CDH6: variants seen among roughly 807,000 people sequenced by gnomAD.
CDH6 encodes cadherin-6.
CDH6 carries 31 observed loss-of-function variants against 78.0 expected under a neutral mutation model. The observed-to-expected ratio is 0.40, with a 90% CI of 0.30 to 0.54. The LOEUF (loss-of-function observed/expected upper bound fraction) is 0.54, where lower values mean the gene tolerates loss of function less well. Ranked by LOEUF, CDH6 falls within the 20% of genes least tolerant of loss-of-function variation. The probability of loss-of-function intolerance (pLI) is 0.56; values close to 1 mark genes in which losing one functional copy is unlikely to be tolerated. For missense variants in CDH6, 724 were observed against 975.9 expected, an observed-to-expected ratio of 0.74 and a Z score of 3.44; for synonymous variants, 376 against 368.8, an observed-to-expected ratio of 1.02 and a Z score of -0.23.
chr5:31,200,879 AT>A (rs1488577541), intron 1 of CDH6, among the ~76,000 whole-genome samples: 1 of 152,218 alleles, frequency 6.6e-6, no homozygotes, highest in Admixed American at 6.5e-5. Flanking sequence ...AAGTTTGATC[AT>A]TAGAAATATA....
intron 1 of CDH6, among the ~76,000 whole-genome samples, chr5:31,265,777 T>TTG (rs1742328837): frequency 7.4e-6 from 1 of 134,378 alleles, no homozygotes; most frequent in African/African-American, 2.9e-5. Context: ...ATGTTTTTTT[T>TTG]TTTTTTTTTT....
chr5:31,304,683 C>CA (rs11398035), intron 6 of CDH6, among the ~76,000 whole-genome samples: 35,726 of 67,662 alleles, frequency 0.53, 9,621 homozygotes, highest in South Asian at 0.63. Flanking sequence ...GACTCCGTCT[C>CA]AAAAAAAAAA....
At chr5:31,207,736 C>T (rs1740571546) in intron 1 of CDH6, among the ~76,000 whole-genome samples, 1 of 152,172 alleles carries the variant, frequency 6.6e-6, no homozygotes, top group African/African-American at 2.4e-5. Flanking sequence ...ATTTATATAC[C>T]TCTCTACATT....
chr5:31,267,286 G>T, intron 1 of CDH6, 60 bp from the exon 2 acceptor site: 2 of 559,392 alleles, frequency 3.6e-6, no homozygotes, highest in South Asian at 2.6e-5. Context: ...CAGCCTATTT[G>T]CTCTAACACT....
intron 1 of CDH6, among the ~76,000 whole-genome samples, chr5:31,205,856 C>T (rs374515935): frequency 2.3e-4 from 35 of 152,194 alleles, no homozygotes; most frequent in South Asian, 1.5e-3. Flanking sequence ...TAAAACCTAA[C>T]GCTTAGCACT....
At chr5:31,308,138 G>C (rs532932846) in intron 7 of CDH6, among the ~76,000 whole-genome samples, 34 of 152,202 alleles carry the variant, frequency 2.2e-4, no homozygotes, top group African/African-American at 7.9e-4. Context: ...CTAAGTGCTA[G>C]ACAATATGGT....
chr5:31,317,310 C>A, intron 9 of CDH6, 65 bp from the exon 10 acceptor site: 1 of 793,362 alleles, frequency 1.3e-6, no homozygotes, highest in Non-Finnish European at 2.1e-6. Context: ...CAATTTATTG[C>A]AAAACGGTAA....
chr5:31,293,988 T>A lies in CDH6; in HGVS notation c.255T>A (p.Asp85Glu). Residue 85 changes from aspartate to glutamate, a missense_variant, in exon 3 of 12, where the codon GAT (aspartate) becomes GAA (glutamate). By Grantham distance (45) the Asp-to-Glu change is conservative. Around this residue, in one of 3 missense-constraint regions of CDH6, gnomAD observed 446 missense variants for 684.5 expected, o/e 0.65. Coordinates refer to ENST00000265071, the MANE Select transcript of CDH6 (RefSeq NM_004932.4). Reference sequence around the variant, plus strand: ...TACATTCAGACCAGGATAGAGGAGATGGATCACTTAAATATATCCTTTCAG... The same window carrying A: ...TACATTCAGACCAGGATAGAGGAGAAGGATCACTTAAATATATCCTTTCAG... ...GKLHSDQDRG[D>E]GSLKYILSGD... is the part of the protein sequence containing the mutation. 6.2e-7 allele frequency: 1 copy of A among 1,610,364 alleles called. No individual in the cohort carries two copies. Among genetic ancestry groups the A allele is most frequent in the Non-Finnish European group, 8.5e-7 (1 of 1,177,838 alleles).
intron 1 of CDH6, among the ~76,000 whole-genome samples, chr5:31,234,503 T>C (rs1338337985): frequency 6.6e-6 from 1 of 152,142 alleles, no homozygotes; most frequent in Non-Finnish European, 1.5e-5. Context: ...AGATGCCATT[T>C]TCCTCATACT....
intron 2 of CDH6, among the ~76,000 whole-genome samples, chr5:31,283,757 G>T (rs1428865976): frequency 2.0e-5 from 3 of 152,034 alleles, no homozygotes; most frequent in African/African-American, 4.8e-5. Context: ...AAGAACAGGA[G>T]ATATGAAGGC....
rs1184522780 is a variant in CDH6, at chr5:31,302,895, GAAAGAAAA to G, written c.999+605_999+612del. 2.3e-4 allele frequency among the ~76,000 whole-genome samples: 21 copies of G among 91,292 alleles called. No homozygotes were observed. In the South Asian group the frequency reaches 3.1e-3, roughly 14 times the overall value. 59.9% of individuals were successfully genotyped at this position (91,292 alleles called of 152,430 possible). A position where few individuals can be genotyped will look rare whatever the true frequency, so the allele number is the denominator to read the frequency against. ...GGAGGGAAGGAAGGAAGGAAAGAAA[GAAAGAAAA>G]AAAGAAAGAAAGAAAGAAAGAAAGA... On this transcript the variant is annotated intron_variant, in intron 6 of 11. Coordinates refer to ENST00000265071, the MANE Select transcript of CDH6 (RefSeq NM_004932.4).
intron 11 of CDH6, chr5:31,319,123 A>AT (rs1425638157): frequency 5.6e-6 from 1 of 178,806 alleles, no homozygotes; most frequent in African/African-American, 2.4e-5. Flanking sequence ...CAAAAGGGTG[A>AT]TTTTTTAGAA....
At chr5:31,201,698 G>C (rs1193551565) in intron 1 of CDH6, among the ~76,000 whole-genome samples, 1 of 152,116 alleles carries the variant, frequency 6.6e-6, no homozygotes, top group Non-Finnish European at 1.5e-5. Flanking sequence ...GGGACCACTG[G>C]TTTAATACAA....
chr5:31,282,811 G>A (rs1742897678), intron 2 of CDH6, among the ~76,000 whole-genome samples: 4 of 152,104 alleles, frequency 2.6e-5, no homozygotes, highest in Admixed American at 2.6e-4. Flanking sequence ...TTTGCTTTTA[G>A]CACTTTGTCA....
rs1485501066 is a variant in CDH6 at position 31,325,517 on chromosome 5, CTCTA to C, written c.*2213_*2216del. On this transcript the variant is annotated 3_prime_UTR_variant, in exon 12 of 12. Coordinates refer to ENST00000265071, the MANE Select transcript of CDH6 (RefSeq NM_004932.4). ...CGATTTACTGTAAAATTAAAGAGGTCTCTATCTGTATGTTTCATGTCACGTAACA... is the reference window on the plus strand; with the variant it reads ...CGATTTACTGTAAAATTAAAGAGGTCTCTGTATGTTTCATGTCACGTAACA... 4.3e-6 allele frequency: 1 copy of C among 230,920 alleles called. No individual in the cohort carries two copies. The highest frequency in any genetic ancestry group is 2.2e-5 in the African/African-American group (1 of 45,240). The allele number at this position is 230,920 out of a possible 1,614,324, so 14.3% of individuals were successfully genotyped here. A position where few individuals can be genotyped will look rare whatever the true frequency, so the allele number is the denominator to read the frequency against.
At chr5:31,257,300 C>G (rs1203780357) in intron 1 of CDH6, among the ~76,000 whole-genome samples, 1 of 152,076 alleles carries the variant, frequency 6.6e-6, no homozygotes, top group East Asian at 1.9e-4. Context: ...GTAGCTGGGA[C>G]TACAGGTGCC....
At chr5:31,313,049 T>C (rs1579910185) in intron 7 of CDH6, among the ~76,000 whole-genome samples, 1 of 152,106 alleles carries the variant, frequency 6.6e-6, no homozygotes, top group Non-Finnish European at 1.5e-5. Context: ...TTTATACATA[T>C]TAGAAAAGAA....
At chr5:31,318,739 A>G (rs1738397248) in intron 11 of CDH6, 1 of 226,618 alleles carries the variant, frequency 4.4e-6, no homozygotes, top group Admixed American at 5.7e-5. Flanking sequence ...GCTTGCCTAT[A>G]TAGTGAAAAG....
At chr5:31,301,106 G>A (rs1251591730) in intron 5 of CDH6, among the ~76,000 whole-genome samples, 1 of 151,996 alleles carries the variant, frequency 6.6e-6, no homozygotes, top group Non-Finnish European at 1.5e-5. Context: ...CTGAGCAACA[G>A]GAGGAAATCC....
Sources: allele counts gnomAD v4.1 joint callset (sites outside exome capture counted in the v4.1 genomes callset), GRCh38; gene constraint gnomAD v4.1.1; regional missense constraint gnomAD v4.1.1; transcripts MANE v1.5; gene names NCBI Gene and HGNC (gene_info 2026-07-23, HGNC 2026-07-21).